SLC22A23: variants seen among roughly 807,000 people sequenced by gnomAD.
The protein encoded by SLC22A23 is ion transporter protein.
SLC22A23 carries 26 observed loss-of-function variants against 61.0 expected under a neutral mutation model. The observed-to-expected ratio is 0.43, with a 90% CI of 0.31 to 0.59. The LOEUF (loss-of-function observed/expected upper bound fraction) is 0.59, where lower values mean the gene tolerates loss of function less well. Among genes scored for constraint, SLC22A23 ranks in the 20% least tolerant of loss-of-function variants. The pLI is 0.11. For synonymous variants in SLC22A23, 430 were observed against 413.9 expected (o/e 1.04, Z -0.47); for missense variants, 796 against 934.7 (o/e 0.85, Z 1.94).
chr6:3,452,599 T>TAAAAAAAAAAAA (rs570923626), intron 1 of SLC22A23, among the ~76,000 whole-genome samples: 3 of 40,560 alleles, frequency 7.4e-5, no homozygotes, highest in South Asian at 3.4e-3. Flanking sequence ...AGACGCTGTC[T>TAAAAAAAAAAAA]AAAAAAAAAA....
chr6:3,410,221 G>C lies in SLC22A23; in HGVS notation c.880C>G (p.Leu294Val). 1 of 1,613,862 alleles carries C rather than the reference G, an allele frequency of 6.2e-7. No homozygotes were observed. The change falls in exon 3 of 10, where the codon CTG becomes GTG. Residue 294 changes from leucine (L) to valine (V), a missense_variant. Leu to Val is a conservative substitution (Grantham distance 32). Transcript: ENST00000406686. This position sits in a 1 kb window ranked among gnomAD's most constrained non-coding sequence, Gnocchi z 5.0. ...TACAAGGTGAGAATGATTCCAGCCA[G>C]GCAAAATCCTTCAAAGAACCTGAGT... ...STLRFFEGFC[L>V]AGIILTLYAL...
intron 1 of SLC22A23, among the ~76,000 whole-genome samples, chr6:3,445,543 A>G (rs2127555240): frequency 6.6e-6 from 1 of 152,316 alleles, no homozygotes; most frequent in East Asian, 1.9e-4. Context: ...GAGTTCAGAC[A>G]TTTATGGTGT....
chr6:3,376,867 G>C (rs1766603764), intron 3 of SLC22A23, among the ~76,000 whole-genome samples: 1 of 152,106 alleles, frequency 6.6e-6, no homozygotes, highest in Non-Finnish European at 1.5e-5. Flanking sequence ...TCAAGAAAAA[G>C]GGCCTTCTGA....
intron 4 of SLC22A23, among the ~76,000 whole-genome samples, chr6:3,316,975 TG>T (rs1762680611): frequency 1.3e-5 from 2 of 152,184 alleles, no homozygotes. Flanking sequence ...TGATGAGGAA[TG>T]GTGATGGCAT....
chr6:3,291,881 A>G (rs1760629378), intron 5 of SLC22A23: 1 of 152,218 alleles, frequency 6.6e-6, no homozygotes, highest in South Asian at 2.1e-4. Context: ...CCCCAAACTG[A>G]ACTCCTGATA....
chr6:3,419,101 A>C (rs910583961), intron 1 of SLC22A23, among the ~76,000 whole-genome samples: 1 of 152,186 alleles, frequency 6.6e-6, no homozygotes, highest in African/African-American at 2.4e-5. Context: ...AGCAATTTAT[A>C]ACTTTTCAGA....
chr6:3,396,834 C>T (rs1377372825), intron 3 of SLC22A23, among the ~76,000 whole-genome samples: 3 of 152,232 alleles, frequency 2.0e-5, no homozygotes, highest in Non-Finnish European at 4.4e-5. Context: ...ACAACTACTT[C>T]CGCTCAATAA....
rs975989411 is a variant in SLC22A23, at chr6:3,309,131, T to C, written c.1083-10913A>G. ...CCTGTCCAACATGGTGAAACCCCCA[T>C]CTCTACTAAAAACGCAAAAATTAGC... On this transcript the variant is annotated intron_variant, in intron 4 of 9. Coordinates refer to ENST00000406686, the MANE Select transcript of SLC22A23 (RefSeq NM_015482.2). This position sits in a 1 kb window ranked among gnomAD's most constrained non-coding sequence, Gnocchi z 4.7. Among the ~76,000 whole-genome samples, 1 of 150,798 alleles carries C rather than the reference T, an allele frequency of 6.6e-6. No individual in the cohort carries two copies.
chr6:3,366,045 G>C (rs769488884), intron 3 of SLC22A23, among the ~76,000 whole-genome samples: 1 of 152,092 alleles, frequency 6.6e-6, no homozygotes, highest in Non-Finnish European at 1.5e-5. Flanking sequence ...AAAGAGAAGG[G>C]TATGGCTGGG....
intron 1 of SLC22A23, among the ~76,000 whole-genome samples, chr6:3,438,192 G>A (rs9378794): frequency 0.23 from 35,385 of 152,102 alleles, 4,275 homozygotes; most frequent in East Asian, 0.35. Flanking sequence ...GGAAGACAAC[G>A]CTACCAAGTC....
intron 5 of SLC22A23, among the ~76,000 whole-genome samples, chr6:3,295,410 G>GAGGCAGAGATC (rs1221679924): frequency 3.9e-5 from 5 of 126,730 alleles, no homozygotes; most frequent in African/African-American, 9.6e-5. Context: ...GAGGTGGTGG[G>GAGGCAGAGATC]AGGCAGAGAT....
chr6:3,285,126 A>G lies in SLC22A23; in HGVS notation c.1547-15T>C, dbSNP rs767087527. 5 of 1,613,398 alleles carry G rather than the reference A, an allele frequency of 3.1e-6. No individual in the cohort carries two copies. The South Asian group carries it at 3.3e-5, about 11-fold the overall frequency. ...CTTTCCAATCACTGGACCCGCAGAC[A>G]TGATCGCACCCACACGGACAAGGGC... On this transcript the variant is annotated splice_polypyrimidine_tract_variant and intron_variant, in intron 7 of 9. Transcript: ENST00000406686.
intron 1 of SLC22A23, among the ~76,000 whole-genome samples, chr6:3,424,411 G>C (rs745333196): frequency 6.6e-6 from 1 of 152,170 alleles, no homozygotes; most frequent in Admixed American, 6.5e-5. Context: ...TGTACTGCAC[G>C]CATTTTTTCT....
In SLC22A23 at chr6:3,371,446, A is replaced by G. The variant is rs746126901; in HGVS notation, c.913+38742T>C. Among the ~76,000 whole-genome samples, 3 of 152,224 alleles carry G rather than the reference A, an allele frequency of 2.0e-5. No individual in the cohort carries two copies. The South Asian group carries it at 6.2e-4, about 32-fold the overall frequency. On this transcript the variant is annotated intron_variant, in intron 3 of 9. Coordinates refer to ENST00000406686, the MANE Select transcript of SLC22A23 (RefSeq NM_015482.2). ...ATTGAGCTTTTGATTTTTTTTCTCA[A>G]CTGTTTAAAAATGTAAAAACCATTC...
At chr6:3,371,779 C>G (rs1412226626) in intron 3 of SLC22A23, among the ~76,000 whole-genome samples, 1 of 152,124 alleles carries the variant, frequency 6.6e-6, no homozygotes, top group African/African-American at 2.4e-5. Context: ...TTATTTCCTG[C>G]CAGGCACTGT....
chr6:3,343,941 G>T (rs751294773), intron 3 of SLC22A23, among the ~76,000 whole-genome samples: 1 of 152,176 alleles, frequency 6.6e-6, no homozygotes, highest in Non-Finnish European at 1.5e-5. Flanking sequence ...TTTTAGATTC[G>T]ATTCGCTTAT....
At chr6:3,280,867 C>T (rs1040722388) in intron 9 of SLC22A23, among the ~76,000 whole-genome samples, 3 of 152,058 alleles carry the variant, frequency 2.0e-5, no homozygotes, top group Non-Finnish European at 2.9e-5. Context: ...TCCTGGCCCT[C>T]GGTGCCTATT....
intron 1 of SLC22A23, among the ~76,000 whole-genome samples, chr6:3,448,484 TTTTTTGTTTTTTG>T (rs1437029165): frequency 1.4e-5 from 1 of 72,068 alleles, no homozygotes; most frequent in African/African-American, 9.9e-5. Flanking sequence ...TCCACCATGT[TTTTTTGTTTTTTG>T]TTTTTTGTTT....
chr6:3,378,016 C>T (rs888366122), intron 3 of SLC22A23: 1 of 152,166 alleles, frequency 6.6e-6, no homozygotes, highest in Non-Finnish European at 1.5e-5. Context: ...CCAGGAGTCC[C>T]GAGGTGTCTG....
Sources: gnomAD v4.1 joint callset for allele counts (sites outside exome capture counted in the v4.1 genomes callset) on GRCh38, gnomAD v4.1.1 for gene constraint, Gnocchi (gnomAD v3.1) non-coding constraint, MANE v1.5 for transcripts, NCBI Gene and HGNC (gene_info 2026-07-23, HGNC 2026-07-21) for gene names.